The following ROBO1 variants were observed in gnomAD, a reference collection of about 807,000 sequenced individuals.
ROBO1 encodes roundabout guidance receptor 1.
ROBO1 carries 149 observed loss-of-function variants against 195.9 expected under a neutral mutation model. The observed-to-expected ratio is 0.76, with a 90% CI of 0.67 to 0.87. ROBO1 has a LOEUF of 0.87. Ranked by LOEUF, ROBO1 falls within the 40% of genes least tolerant of loss-of-function variation. The probability of loss-of-function intolerance (pLI) is 0.00; values close to 1 mark genes in which losing one functional copy is unlikely to be tolerated. For synonymous variants in ROBO1, 816 were observed against 733.2 expected, an observed-to-expected ratio of 1.11 and a Z score of -1.82; for missense variants, 1,933 against 2,068.3, an observed-to-expected ratio of 0.93 and a Z score of 1.27.
intron 2 of ROBO1, among the ~76,000 whole-genome samples, chr3:79,262,276 G>A (rs931885823): frequency 7.2e-5 from 11 of 151,976 alleles, no homozygotes; most frequent in African/African-American, 2.7e-4. Flanking sequence ...AGGAAATGGG[G>A]GCTCTTCACT....
At chr3:79,185,883 G>A (rs1483940663) in intron 2 of ROBO1, among the ~76,000 whole-genome samples, 2 of 152,004 alleles carry the variant, frequency 1.3e-5, no homozygotes, top group Admixed American at 1.3e-4. Flanking sequence ...CTATATCTCT[G>A]TGTATTTATA....
chr3:78,993,664 G>A (rs1408102205), intron 3 of ROBO1, among the ~76,000 whole-genome samples: 1 of 152,062 alleles, frequency 6.6e-6, no homozygotes, highest in African/African-American at 2.4e-5. Context: ...CACCAGATCG[G>A]GTGGCTGTGT....
chr3:79,349,612 T>C (rs930732032), intron 2 of ROBO1, among the ~76,000 whole-genome samples: 2 of 152,186 alleles, frequency 1.3e-5, no homozygotes, highest in Admixed American at 1.3e-4. Flanking sequence ...GATTCTGACA[T>C]AGGCTAGATG....
chr3:79,664,635 G>A (rs1489821710), intron 1 of ROBO1, among the ~76,000 whole-genome samples: 2 of 151,968 alleles, frequency 1.3e-5, no homozygotes, highest in African/African-American at 2.4e-5. Context: ...CTCAGAGCAC[G>A]TCCTGTGGGA....
intron 1 of ROBO1, among the ~76,000 whole-genome samples, chr3:79,628,779 A>G (rs566506534): frequency 1.3e-5 from 2 of 152,282 alleles, no homozygotes; most frequent in South Asian, 4.1e-4. Flanking sequence ...AGGCACCCAC[A>G]GACTAAAAGC....
At chr3:78,831,037 T>C (rs995471215) in intron 4 of ROBO1, among the ~76,000 whole-genome samples, 3 of 151,930 alleles carry the variant, frequency 2.0e-5, no homozygotes, top group African/African-American at 7.2e-5. Context: ...CTTAGCCTCC[T>C]GAGTAGCTGG....
chr3:79,424,840 T>A (rs1183663764), intron 2 of ROBO1, among the ~76,000 whole-genome samples: 3 of 152,084 alleles, frequency 2.0e-5, no homozygotes, highest in African/African-American at 4.8e-5. Flanking sequence ...CTTAAAAATA[T>A]GAATCAAAAA....
chr3:79,013,053 A>G (rs147860387), intron 3 of ROBO1, among the ~76,000 whole-genome samples: 185 of 152,174 alleles, frequency 1.2e-3, no homozygotes, highest in African/African-American at 4.0e-3. Flanking sequence ...CAACCCTTCC[A>G]TGATCAGTAA....
chr3:78,669,728 T>C (rs1707952611), intron 11 of ROBO1, among the ~76,000 whole-genome samples: 1 of 152,192 alleles, frequency 6.6e-6, no homozygotes, highest in Non-Finnish European at 1.5e-5. Context: ...TATCTAAATA[T>C]ATTGCACATA....
intron 3 of ROBO1, among the ~76,000 whole-genome samples, chr3:79,038,194 T>C (rs1396261237): frequency 6.6e-6 from 1 of 152,200 alleles, no homozygotes; most frequent in Non-Finnish European, 1.5e-5. Context: ...ATCTCTGTTA[T>C]AGTGATTTGT....
chr3:78,652,105 T>C (rs1706701048), intron 18 of ROBO1, among the ~76,000 whole-genome samples, 176 bp from the exon 19 acceptor site: 1 of 152,214 alleles, frequency 6.6e-6, no homozygotes, highest in African/African-American at 2.4e-5. Flanking sequence ...AATTGGACAA[T>C]TTTATTTATT....
intron 3 of ROBO1, among the ~76,000 whole-genome samples, chr3:79,080,685 AT>A (rs2079256525): frequency 6.6e-6 from 1 of 152,048 alleles, no homozygotes; most frequent in African/African-American, 2.4e-5. Flanking sequence ...TAATATGTAA[AT>A]TTTAGGAAAG....
intron 2 of ROBO1, among the ~76,000 whole-genome samples, chr3:79,187,105 G>A (rs1355164261): frequency 6.6e-6 from 1 of 152,110 alleles, no homozygotes; most frequent in African/African-American, 2.4e-5. Context: ...AAGGTATCTA[G>A]TTATCCTTTA....
intron 3 of ROBO1, among the ~76,000 whole-genome samples, chr3:79,024,100 A>C (rs1476791666): frequency 6.6e-6 from 1 of 152,138 alleles, no homozygotes; most frequent in African/African-American, 2.4e-5. Context: ...CAGCCTCGCT[A>C]TTGCTCTGTA....
At chr3:79,192,534 G>A (rs991915934) in intron 2 of ROBO1, among the ~76,000 whole-genome samples, 17 of 151,536 alleles carry the variant, frequency 1.1e-4, no homozygotes, top group African/African-American at 3.6e-4. Context: ...CAATTAGCAG[G>A]AGGCTTTCAT....
chr3:79,091,378 GA>G (rs1199909032), intron 3 of ROBO1, among the ~76,000 whole-genome samples: 10 of 151,630 alleles, frequency 6.6e-5, no homozygotes, highest in Non-Finnish European at 1.2e-4. Context: ...AATATATGGA[GA>G]AAAAAAAGAA....
At chr3:78,788,002 C>G (rs548693332) in intron 4 of ROBO1, among the ~76,000 whole-genome samples, 2 of 132,830 alleles carry the variant, frequency 1.5e-5, no homozygotes, top group Non-Finnish European at 3.1e-5. Context: ...TGCAGGGGCA[C>G]GATCTCGGCT....
chr3:79,347,843 CA>C (rs2109251383), intron 2 of ROBO1, among the ~76,000 whole-genome samples: 1 of 152,272 alleles, frequency 6.6e-6, no homozygotes, highest in African/African-American at 2.4e-5. Context: ...CAGAAATAAA[CA>C]GGCTCATTTT....
intron 3 of ROBO1, among the ~76,000 whole-genome samples, chr3:78,946,745 A>C (rs2040466807): frequency 6.6e-6 from 1 of 152,328 alleles, no homozygotes; most frequent in South Asian, 2.1e-4. Context: ...ATAAAGAGTC[A>C]AGACCCATCA....
Sources: allele counts gnomAD v4.1 joint callset (sites outside exome capture counted in the v4.1 genomes callset), GRCh38; gene constraint gnomAD v4.1.1; transcripts MANE v1.5; gene names NCBI Gene and HGNC (gene_info 2026-07-23, HGNC 2026-07-21).